Variants in WDR70 observed in about 807,000 individuals in gnomAD.
The protein encoded by WDR70 is WD repeat domain 70, also known as WD repeat-containing protein 70.
A neutral mutation model predicts 88.6 loss-of-function variants in WDR70; 53 were observed. The ratio of observed to expected loss-of-function variants is 0.60; its 90% CI spans 0.48 to 0.75. WDR70 has a LOEUF of 0.75. Ranked by LOEUF, WDR70 falls within the 30% of genes least tolerant of loss-of-function variation. WDR70 has a pLI of 0.00. For missense variants in WDR70, 610 were observed against 823.2 expected, an observed-to-expected ratio of 0.74 and a Z score of 3.17; for synonymous variants, 280 against 270.0, an observed-to-expected ratio of 1.04 and a Z score of -0.36.
At chr5:37,597,000 G>C (rs1743721662) in intron 9 of WDR70, among the ~76,000 whole-genome samples, 2 of 152,142 alleles carry the variant, frequency 1.3e-5, no homozygotes, top group African/African-American at 2.4e-5. Flanking sequence ...TAAGCAGAAT[G>C]TATTTGAGTT....
At chr5:37,452,714 T>C (rs949240337) in intron 7 of WDR70, among the ~76,000 whole-genome samples, 6 of 152,240 alleles carry the variant, frequency 3.9e-5, no homozygotes, top group African/African-American at 1.4e-4. Context: ...TGAGGGAGTT[T>C]GTTGACTGTC....
At chr5:37,722,598 A>G (rs1747854426) in intron 14 of WDR70, 2 of 445,106 alleles carry the variant, frequency 4.5e-6, no homozygotes, top group Admixed American at 7.2e-5. Context: ...TAGGTTTTGT[A>G]AACTTGTGTC....
chr5:37,687,268 T>C (rs1166959331), intron 10 of WDR70, among the ~76,000 whole-genome samples: 4 of 152,186 alleles, frequency 2.6e-5, no homozygotes, highest in Non-Finnish European at 5.9e-5. Flanking sequence ...AGTTAATAAT[T>C]GAAGAGCACT....
intron 9 of WDR70, among the ~76,000 whole-genome samples, chr5:37,579,170 G>A (rs1162299530): frequency 6.6e-6 from 1 of 152,154 alleles, no homozygotes; most frequent in Non-Finnish European, 1.5e-5. Flanking sequence ...GCAGTTCTTG[G>A]GATACCACTG....
intron 5 of WDR70, among the ~76,000 whole-genome samples, chr5:37,429,112 A>G (rs1750226326): frequency 6.6e-6 from 1 of 152,214 alleles, no homozygotes; most frequent in Non-Finnish European, 1.5e-5. Flanking sequence ...CTGGGACTGC[A>G]ATGTGCATCG....
chr5:37,662,050 T>A (rs1319244039), intron 10 of WDR70, among the ~76,000 whole-genome samples: 1 of 152,232 alleles, frequency 6.6e-6, no homozygotes, highest in Non-Finnish European at 1.5e-5. Flanking sequence ...TTCCCAAGAT[T>A]AGTTCACGCC....
chr5:37,475,143 C>T (rs893984251), intron 7 of WDR70, among the ~76,000 whole-genome samples: 5 of 151,800 alleles, frequency 3.3e-5, no homozygotes, highest in Admixed American at 2.6e-4. Flanking sequence ...TGGTCTTGAA[C>T]TCCTGGCCTC....
At chr5:37,650,411 GAGAA>G (rs1745369825) in intron 10 of WDR70, among the ~76,000 whole-genome samples, 1 of 151,848 alleles carries the variant, frequency 6.6e-6, no homozygotes, top group South Asian at 2.1e-4. Flanking sequence ...AAAAAAGAAA[GAGAA>G]AGAAAAAGAA....
At chr5:37,545,125 T>C (rs1741945853) in intron 9 of WDR70, among the ~76,000 whole-genome samples, 1 of 152,230 alleles carries the variant, frequency 6.6e-6, no homozygotes, top group South Asian at 2.1e-4. Context: ...TAGACCTATT[T>C]ATAGCTTTTG....
intron 10 of WDR70, among the ~76,000 whole-genome samples, chr5:37,626,993 A>G (rs759473495): frequency 6.6e-6 from 1 of 151,808 alleles, no homozygotes; most frequent in Non-Finnish European, 1.5e-5. Context: ...ATTTTTTCAA[A>G]TTTGAGTCTC....
At chr5:37,629,192 C>T (rs549608241) in intron 10 of WDR70, among the ~76,000 whole-genome samples, 22 of 152,200 alleles carry the variant, frequency 1.4e-4, no homozygotes, top group Non-Finnish European at 3.1e-4. Context: ...ACTCTTTTCT[C>T]TTGAATGCTT....
rs957841884 is a variant in WDR70 at position 37,385,573 on chromosome 5, C to T, written c.175+3888C>T. Among the ~76,000 whole-genome samples, 5 of 78,172 alleles carry T rather than the reference C, an allele frequency of 6.4e-5. No individual in the cohort carries two copies. The Admixed American group carries it at 7.6e-4, about 12-fold the overall frequency. 51.3% of individuals were successfully genotyped at this position (78,172 alleles called of 152,430 possible). On this transcript the variant is annotated intron_variant, in intron 3 of 17. Transcript: ENST00000265107. The stretch of plus-strand genomic sequence containing the variant: ...TACAGATCTTAATTTTCAGCTTCTC[C>T]AGAGATTGGTGGGTGGGGATGAAAG...
chr5:37,411,679 T>C (rs1159722645), intron 5 of WDR70, among the ~76,000 whole-genome samples: 1 of 152,126 alleles, frequency 6.6e-6, no homozygotes. Flanking sequence ...TGAGCTGATA[T>C]CATGCCACCG....
intron 10 of WDR70, among the ~76,000 whole-genome samples, chr5:37,632,459 C>T (rs1323434659): frequency 6.6e-6 from 1 of 152,060 alleles, no homozygotes; most frequent in Non-Finnish European, 1.5e-5. Context: ...CTCTGAACAC[C>T]TTTCAGTGGG....
chr5:37,685,040 A>AGGGGTTGGCTGCTC (rs1480792679), intron 10 of WDR70, among the ~76,000 whole-genome samples: 2 of 151,984 alleles, frequency 1.3e-5, no homozygotes, highest in Non-Finnish European at 2.9e-5. Flanking sequence ...TCATGCAGCC[A>AGGGGTTGGCTGCTC]GGGGTTGGCT....
At chr5:37,610,625 C>T (rs1423458628) in intron 10 of WDR70, among the ~76,000 whole-genome samples, 6 of 152,028 alleles carry the variant, frequency 3.9e-5, no homozygotes, top group Admixed American at 3.9e-4. Context: ...TTGAGGAGCT[C>T]TCACCTCACT....
chr5:37,415,588 C>G (rs1365941440), intron 5 of WDR70, among the ~76,000 whole-genome samples: 1 of 140,040 alleles, frequency 7.1e-6, no homozygotes, highest in Non-Finnish European at 1.6e-5. Context: ...CCCTCCCGGA[C>G]GGGGCGGCTG....
intron 10 of WDR70, chr5:37,687,785 C>A: frequency 2.4e-6 from 1 of 408,952 alleles, no homozygotes. Context: ...TTTTTCTTTA[C>A]TTGAGCACTG....
intron 5 of WDR70, among the ~76,000 whole-genome samples, chr5:37,434,091 T>C (rs547835531): frequency 5.9e-5 from 9 of 152,296 alleles, no homozygotes; most frequent in South Asian, 2.1e-4. Context: ...TGGGGAGGCC[T>C]CAGGACACTT....
Sources: allele counts gnomAD v4.1 joint callset (sites outside exome capture counted in the v4.1 genomes callset), GRCh38; gene constraint gnomAD v4.1.1; transcripts MANE v1.5; gene names NCBI Gene and HGNC (gene_info 2026-07-23, HGNC 2026-07-21).